The following ARHGAP22 variants were observed in gnomAD, a reference collection of about 807,000 sequenced individuals.
ARHGAP22 encodes the protein rho GTPase-activating protein 22.
Under a neutral mutation model 59.1 loss-of-function variants are expected in ARHGAP22, and 48 were observed. The ratio of observed to expected loss-of-function variants is 0.81; its 90% CI spans 0.64 to 1.03. The LOEUF (loss-of-function observed/expected upper bound fraction) is 1.03. Among genes scored for constraint, ARHGAP22 ranks in the 50% least tolerant of loss-of-function variants. The pLI, the probability that ARHGAP22 is intolerant of heterozygous loss-of-function variation, is 0.00. For synonymous variants in ARHGAP22, 445 were observed against 416.4 expected, an observed-to-expected ratio of 1.07 and a Z score of -0.84; for missense variants, 1,015 against 958.7, an observed-to-expected ratio of 1.06 and a Z score of -0.78.
chr10:48,447,635 G>C (rs926446607), intron 9 of ARHGAP22, among the ~76,000 whole-genome samples: 1 of 151,958 alleles, frequency 6.6e-6, no homozygotes, highest in African/African-American at 2.4e-5. Flanking sequence ...TGCTGCCCCT[G>C]GCTCGGGCCT....
At chr10:48,472,496 C>G (rs2048323792) in intron 4 of ARHGAP22, among the ~76,000 whole-genome samples, 2 of 151,986 alleles carry the variant, frequency 1.3e-5, no homozygotes, top group African/African-American at 4.8e-5. Flanking sequence ...TGCACTCCAG[C>G]CTGGGCAACA....
At chr10:48,580,400 A>C (rs1353751339) in intron 2 of ARHGAP22, among the ~76,000 whole-genome samples, 3 of 152,178 alleles carry the variant, frequency 2.0e-5, no homozygotes, top group African/African-American at 7.2e-5. Flanking sequence ...AAGGTTCACT[A>C]TAAGGAATAC....
chr10:48,511,196 GGT>G (rs1324203254), intron 3 of ARHGAP22, among the ~76,000 whole-genome samples: 1 of 152,222 alleles, frequency 6.6e-6, no homozygotes, highest in African/African-American at 2.4e-5. Context: ...TCAGGAAGAT[GGT>G]GTGTGGTACT....
At chr10:48,634,601 G>C (rs2136114296) in intron 1 of ARHGAP22, among the ~76,000 whole-genome samples, 1 of 152,246 alleles carries the variant, frequency 6.6e-6, no homozygotes, top group Non-Finnish European at 1.5e-5. Flanking sequence ...TGGCTGGCAG[G>C]GCATCTGTCT....
At chr10:48,453,554 A>T (rs1253419509) in intron 7 of ARHGAP22, 129 bp from the exon 8 acceptor site, 1 of 1,379,994 alleles carries the variant, frequency 7.2e-7, no homozygotes, top group African/African-American at 1.5e-5. Flanking sequence ...CACTGGGTGT[A>T]GCCTGCCTCT....
At chr10:48,601,461 G>A (rs1447437193) in intron 1 of ARHGAP22, among the ~76,000 whole-genome samples, 1 of 151,996 alleles carries the variant, frequency 6.6e-6, no homozygotes, top group Non-Finnish European at 1.5e-5. Flanking sequence ...TGGTTCTTTT[G>A]GTATTACTTC....
chr10:48,441,543 C>G (rs2133458822), downstream of ARHGAP22, among the ~76,000 whole-genome samples: 1 of 151,916 alleles, frequency 6.6e-6, no homozygotes, highest in South Asian at 2.1e-4. Flanking sequence ...ACTCCGCCTC[C>G]CAGGTTCATG....
chr10:48,514,156 G>A (rs57875167), intron 3 of ARHGAP22, among the ~76,000 whole-genome samples: 4,123 of 152,018 alleles, frequency 0.027, 210 homozygotes, highest in African/African-American at 0.094. Flanking sequence ...CAGAACCTCA[G>A]AAATTGATGG....
At chr10:48,636,755 C>T (rs1214121873) in intron 1 of ARHGAP22, among the ~76,000 whole-genome samples, 5 of 152,174 alleles carry the variant, frequency 3.3e-5, no homozygotes, top group African/African-American at 1.2e-4. Flanking sequence ...CCTGAGGTCA[C>T]CACAAAGAGG....
the ARHGAP22 span, among the ~76,000 whole-genome samples, chr10:48,433,210 T>A: frequency 6.6e-6 from 1 of 152,296 alleles, no homozygotes; most frequent in South Asian, 2.1e-4. Flanking sequence ...TTTTTTCCCC[T>A]TAGGTACTTG....
At chr10:48,445,349 C>T (rs1364836179), downstream of ARHGAP22, 3 of 152,358 alleles carry the variant, frequency 2.0e-5, no homozygotes, top group Non-Finnish European at 2.9e-5. Context: ...ATCAGGACAC[C>T]GTGAGGGGAG....
In ARHGAP22 at chr10:48,515,466, T is replaced by C. The variant is rs546025812; in HGVS notation, c.323-35702A>G. On this transcript the variant is annotated intron_variant, in intron 3 of 9. Coordinates refer to ENST00000249601, the MANE Select transcript of ARHGAP22 (RefSeq NM_021226.4). ...ACAAAAATAAACAGAACGCAGGAGA[T>C]TTTAATAATTGTTGGAGACTTTGAT... is the stretch of plus-strand genomic sequence containing the variant. Among the ~76,000 whole-genome samples the C allele has an allele frequency of 1.2e-4, 18 of 152,016 alleles. No individual in the cohort carries two copies. The South Asian group carries it at 3.7e-3, about 32-fold the overall frequency.
At chr10:48,543,533 A>C (rs1450089089) in intron 3 of ARHGAP22, among the ~76,000 whole-genome samples, 1 of 152,180 alleles carries the variant, frequency 6.6e-6, no homozygotes, top group Admixed American at 6.5e-5. Context: ...ATTAAGTATA[A>C]AGTTTTTTTT....
chr10:48,481,103 C>T (rs1315458482), intron 3 of ARHGAP22, among the ~76,000 whole-genome samples: 1 of 152,254 alleles, frequency 6.6e-6, no homozygotes, highest in African/African-American at 2.4e-5. Flanking sequence ...CTCGCCGGGG[C>T]TCAGGCAGCC....
intron 2 of ARHGAP22, among the ~76,000 whole-genome samples, chr10:48,557,300 T>C (rs1590166838): frequency 6.6e-6 from 1 of 152,276 alleles, no homozygotes; most frequent in Middle Eastern, 3.4e-3. Context: ...CTAGGTACTT[T>C]GCTGTTTTTT....
chr10:48,480,804 T>C (rs2049225868), intron 3 of ARHGAP22, among the ~76,000 whole-genome samples: 1 of 152,258 alleles, frequency 6.6e-6, no homozygotes, highest in South Asian at 2.1e-4. Flanking sequence ...AAGTAACCTG[T>C]TGAATGCACA....
At chr10:48,453,561 C>T in intron 7 of ARHGAP22, 136 bp from the exon 8 acceptor site, 1 of 1,311,290 alleles carries the variant, frequency 7.6e-7, no homozygotes, top group Non-Finnish European at 1.1e-6. Flanking sequence ...TGTAGCCTGC[C>T]TCTGCCAGGC....
At chr10:48,534,268 T>A (rs1455110827) in intron 3 of ARHGAP22, among the ~76,000 whole-genome samples, 1 of 152,204 alleles carries the variant, frequency 6.6e-6, no homozygotes. Context: ...TTGCTGTTCA[T>A]GTGGCCTGAA....
In ARHGAP22 at chr10:48,555,532, C is replaced by T. The variant is rs755301024; in HGVS notation, c.253G>A (p.Gly85Arg). The T allele has an allele frequency of 1.2e-6, 2 of 1,614,162 alleles. No homozygotes were observed. The highest frequency in any genetic ancestry group is 1.7e-6 in the Non-Finnish European group (2 of 1,179,996). The change falls in exon 3 of 10, where the codon GGG becomes AGG. Residue 85 changes from glycine to arginine, a missense_variant. By Grantham distance (125) the Gly-to-Arg change is moderately radical (BLOSUM62 -2). Transcript: ENST00000249601. Reference sequence around the variant, plus strand: ...GGAGGAAGTTCAGTCACCTGTGTCCCTTGTAGAGAAATAAATCCCTAAAAA... The same window carrying T: ...GGAGGAAGTTCAGTCACCTGTGTCCTTTGTAGAGAAATAAATCCCTAAAAA... ...IKPQGFISLQGTQVTELPPGP... is the reference protein window; with the variant it reads ...IKPQGFISLQRTQVTELPPGP...
Sources: gnomAD v4.1 joint callset for allele counts (sites outside exome capture counted in the v4.1 genomes callset) on GRCh38, gnomAD v4.1.1 for gene constraint, MANE v1.5 for transcripts, NCBI Gene and HGNC (gene_info 2026-07-23, HGNC 2026-07-21) for gene names.